CD28: variants seen among roughly 807,000 people sequenced by gnomAD.
The protein encoded by CD28 is CD28 molecule, also known as T-cell-specific surface glycoprotein CD28.
Under a neutral mutation model 21.4 loss-of-function variants are expected in CD28, and 8 were observed. The observed-to-expected ratio is 0.37, with a 90% CI of 0.22 to 0.68. The LOEUF is 0.68. CD28 is among the 30% of genes least tolerant of loss of function. The probability of loss-of-function intolerance (pLI) is 0.55; values close to 1 mark genes in which losing one functional copy is unlikely to be tolerated. For missense variants in CD28, 239 were observed against 272.2 expected (o/e 0.88, Z 0.86); for synonymous variants, 106 against 104.0 (o/e 1.02, Z -0.12).
intron 3 of CD28, among the ~76,000 whole-genome samples, chr2:203,732,538 C>T (rs527552950): frequency 2.5e-4 from 38 of 152,298 alleles, no homozygotes; most frequent in African/African-American, 3.6e-4. Flanking sequence ...TTGAAGACCA[C>T]GTACTTAAGT....
At position 203,737,532 on chromosome 2, in the gene CD28, TACTC is replaced by T. The variant is rs983613968; in HGVS notation, c.*2625_*2628del. 1 of 152,652 alleles carries T rather than the reference TACTC, an allele frequency of 6.6e-6. No individual in the cohort carries two copies. The highest frequency in any genetic ancestry group is 1.5e-5 in the Non-Finnish European group (1 of 68,044). The allele number at this position is 152,652 out of a possible 1,614,324, so 9.5% of individuals were successfully genotyped here. A position where few individuals can be genotyped will look rare whatever the true frequency, so the allele number is the denominator to read the frequency against. On this transcript the variant is annotated 3_prime_UTR_variant, in exon 4 of 4. Coordinates refer to ENST00000324106, the MANE Select transcript of CD28 (RefSeq NM_006139.4). ...GATGAATCACACTTGAGATGTTTCTTACTCACTCTGCACAGAAACAAAGAAGAAA... is the reference window on the plus strand; with the variant it reads ...GATGAATCACACTTGAGATGTTTCTTACTCTGCACAGAAACAAAGAAGAAA...
chr2:203,723,846 G>A (rs1047097484), intron 1 of CD28, among the ~76,000 whole-genome samples: 4 of 152,184 alleles, frequency 2.6e-5, no homozygotes, highest in African/African-American at 9.7e-5. Context: ...TCCTCAAAAA[G>A]TTAAACATAG....
intron 2 of CD28, among the ~76,000 whole-genome samples, chr2:203,729,189 GA>G (rs2106122015): frequency 6.6e-6 from 1 of 152,324 alleles, no homozygotes; most frequent in South Asian, 2.1e-4. Flanking sequence ...GTTGGAACTA[GA>G]AATTTATCCT....
Position 203,706,722 on chromosome 2 carries a change from A to G in CD28, c.26A>G (p.Asn9Ser), listed in dbSNP as rs1303625960. ...ATGCTCAGGCTGCTCTTGGCTCTCA[A>G]CTTATTCCCTTCAATTCAAGTAACA... MLRLLLAL[N>S]LFPSIQVTGN... The change falls in exon 1 of 4, where the codon AAC becomes AGC. Residue 9 changes from asparagine (N) to serine (S), a missense_variant. Coordinates refer to ENST00000324106, the MANE Select transcript of CD28 (RefSeq NM_006139.4). The G allele has an allele frequency of 6.2e-7, 1 of 1,613,842 alleles. No individual in the cohort carries two copies. Among genetic ancestry groups the G allele is most frequent in the Admixed American group, 1.7e-5 (1 of 60,002 alleles).
At chr2:203,730,425 A>G (rs895135142) in intron 3 of CD28, among the ~76,000 whole-genome samples, 2 of 152,120 alleles carry the variant, frequency 1.3e-5, no homozygotes, top group Non-Finnish European at 1.5e-5. Context: ...CTTCCTCAAC[A>G]TTGAATTTTT....
chr2:203,735,105 T>G lies in CD28; in HGVS notation c.*193T>G. 1 of 623,950 alleles carries G rather than the reference T, an allele frequency of 1.6e-6. No individual in the cohort carries two copies. The highest frequency in any genetic ancestry group is 2.7e-6 in the Non-Finnish European group (1 of 368,794). The allele number at this position is 623,950 out of a possible 1,614,324, so 38.7% of individuals were successfully genotyped here. On this transcript the variant is annotated 3_prime_UTR_variant, in exon 4 of 4. Transcript: ENST00000324106. ...GACTCTGAAATGAAGTAAAAGAGAT[T>G]TCCTGTGACAGGCCAAGTCTTACAG...
intron 2 of CD28, among the ~76,000 whole-genome samples, chr2:203,729,349 T>C (rs1693829505): frequency 6.6e-6 from 1 of 152,176 alleles, no homozygotes; most frequent in Admixed American, 6.5e-5. Context: ...TAAAGTTAGG[T>C]TAAGGCCATT....
intron 2 of CD28, 150 bp downstream of exon 2, chr2:203,727,139 C>G (rs1044547996): frequency 9.7e-6 from 6 of 618,388 alleles, no homozygotes; most frequent in Non-Finnish European, 1.7e-5. Context: ...AAAATTTTTC[C>G]CTTTACTGTA....
chr2:203,733,043 T>A (rs1693938094), intron 3 of CD28, among the ~76,000 whole-genome samples: 1 of 152,186 alleles, frequency 6.6e-6, no homozygotes, highest in Middle Eastern at 3.2e-3. Flanking sequence ...TCCTCAGGGT[T>A]GGAGTAAGTA....
In CD28 at chr2:203,734,878, C is replaced by G. The variant is rs201773411; in HGVS notation, c.629C>G (p.Ala210Gly). ...GPTRKHYQPYAPPRDFAAYRS is the reference protein window; with the variant it reads ...GPTRKHYQPYGPPRDFAAYRS ...ACCCGCAAGCATTACCAGCCCTATG[C>G]CCCACCACGCGACTTCGCAGCCTAT... Residue 210 changes from alanine to glycine, a missense_variant, in exon 4 of 4, where the codon GCC (alanine) becomes GGC (glycine). By Grantham distance (60) the Ala-to-Gly change is moderately conservative (BLOSUM62 0). Coordinates refer to ENST00000324106, the MANE Select transcript of CD28 (RefSeq NM_006139.4). The G allele has an allele frequency of 3.2e-5, 52 of 1,614,128 alleles. No individual in the cohort carries two copies. Among genetic ancestry groups the G allele is most frequent in the South Asian group, 5.5e-5 (5 of 91,092 alleles).
intron 1 of CD28, among the ~76,000 whole-genome samples, chr2:203,716,279 T>C (rs1468919571): frequency 1.3e-5 from 2 of 152,198 alleles, no homozygotes; most frequent in Non-Finnish European, 2.9e-5. Flanking sequence ...GTGAAGTCTC[T>C]ACAAAAGCCT....
In CD28 at chr2:203,735,162, C is replaced by T; in HGVS notation, c.*250C>T. Reference sequence around the variant, plus strand: ...GGCCCACATTCCAACTTACCATGTACTTAGTGACTTGACTGAGAAGTTAGG... The same window carrying T: ...GGCCCACATTCCAACTTACCATGTATTTAGTGACTTGACTGAGAAGTTAGG... On this transcript the variant is annotated 3_prime_UTR_variant, in exon 4 of 4. Coordinates refer to ENST00000324106, the MANE Select transcript of CD28 (RefSeq NM_006139.4). The T allele has an allele frequency of 2.1e-6, 1 of 482,986 alleles. No individual in the cohort carries two copies. The allele number at this position is 482,986 out of a possible 1,614,324, so 29.9% of individuals were successfully genotyped here.
At chr2:203,721,639 G>A (rs1177153589) in intron 1 of CD28, among the ~76,000 whole-genome samples, 1 of 151,990 alleles carries the variant, frequency 6.6e-6, no homozygotes, top group Non-Finnish European at 1.5e-5. Flanking sequence ...ATCCATGTAT[G>A]CATACTCCTT....
intron 1 of CD28, among the ~76,000 whole-genome samples, chr2:203,725,630 A>G (rs1693722910): frequency 6.6e-6 from 1 of 152,228 alleles, no homozygotes; most frequent in African/African-American, 2.4e-5. Flanking sequence ...AATGCTCTCC[A>G]GATTCTTTGA....
intron 3 of CD28, 129 bp downstream of exon 3, chr2:203,729,901 T>A: frequency 1.1e-6 from 1 of 914,442 alleles, no homozygotes; most frequent in Non-Finnish European, 1.7e-6. Flanking sequence ...TCCCCATGCT[T>A]GAGTAGGTTC....
At chr2:203,727,270 A>G (rs1693776166) in intron 2 of CD28, among the ~76,000 whole-genome samples, 1 of 152,194 alleles carries the variant, frequency 6.6e-6, no homozygotes, top group Admixed American at 6.5e-5. Flanking sequence ...CCAGTGGATC[A>G]TGGCAGAAAA....
Position 203,736,737 on chromosome 2 carries a change from G to A in CD28, c.*1825G>A, listed in dbSNP as rs1373803106. The A allele has an allele frequency of 6.6e-6, 1 of 152,200 alleles. No homozygotes were observed. The highest frequency in any genetic ancestry group is 2.4e-5 in the African/African-American group (1 of 41,460). The allele number at this position is 152,200 out of a possible 1,614,324, so 9.4% of individuals were successfully genotyped here. On this transcript the variant is annotated 3_prime_UTR_variant, in exon 4 of 4. Coordinates refer to ENST00000324106, the MANE Select transcript of CD28 (RefSeq NM_006139.4). ...TTCAAGTCTCGTTAGTAGTTGAATA[G>A]CCTCAGGCAAGTCACTGCCCACCTA... is the stretch of plus-strand genomic sequence containing the variant.
intron 1 of CD28, among the ~76,000 whole-genome samples, chr2:203,722,748 C>T (rs1041572953): frequency 3.3e-5 from 5 of 152,162 alleles, no homozygotes; most frequent in African/African-American, 9.7e-5. Flanking sequence ...AGATAGTAAT[C>T]ATTTTGAGAC....
intron 1 of CD28, among the ~76,000 whole-genome samples, chr2:203,722,544 T>G (rs917464898): frequency 6.6e-6 from 1 of 152,206 alleles, no homozygotes; most frequent in Non-Finnish European, 1.5e-5. Context: ...CATCTTTCAC[T>G]CCACAATTAT....
Sources: gnomAD v4.1 joint callset for allele counts (sites outside exome capture counted in the v4.1 genomes callset) on GRCh38, gnomAD v4.1.1 for gene constraint, MANE v1.5 for transcripts, NCBI Gene and HGNC (gene_info 2026-07-23, HGNC 2026-07-21) for gene names.